Variants in ELMO1 observed in about 807,000 individuals in gnomAD.
ELMO1 encodes engulfment and cell motility 1.
A neutral mutation model predicts 98.9 loss-of-function variants in ELMO1; 26 were observed. The ratio of observed to expected loss-of-function variants is 0.26; its 90% CI spans 0.19 to 0.36. The LOEUF is 0.36. Among genes scored for constraint, ELMO1 ranks in the 10% least tolerant of loss-of-function variants. ELMO1 has a pLI of 1.00. For missense variants in ELMO1, 627 were observed against 935.2 expected (o/e 0.67, Z 4.30); for synonymous variants, 346 against 346.0 (o/e 1.00, Z 0.00).
intron 14 of ELMO1, among the ~76,000 whole-genome samples, chr7:37,118,265 G>A (rs545014798): frequency 7.2e-5 from 11 of 152,252 alleles, no homozygotes; most frequent in South Asian, 4.1e-4. Context: ...GTTGTCCTGC[G>A]AGGGATCCAC....
In ELMO1 at chr7:37,188,501, A is replaced by AAAT. The variant is rs57721398; in HGVS notation, c.1086+22882_1086+22884dup. On this transcript the variant is annotated intron_variant, in intron 13 of 21. Transcript: ENST00000310758. Reference sequence around the variant, plus strand: ...CTGGAGAAAGGTAAAAAAAAAAAAAAAATAATAATAATAATAATAATAATA... The same window carrying AAAT: ...CTGGAGAAAGGTAAAAAAAAAAAAAAAATAATAATAATAATAATAATAATAATA... 5.2e-4 allele frequency among the ~76,000 whole-genome samples: 65 copies of AAAT among 125,936 alleles called. 3 individuals carry two copies. Among genetic ancestry groups the AAAT allele is most frequent in the African/African-American group, 1.2e-3 (40 of 32,952 alleles). 82.6% of individuals were successfully genotyped at this position (125,936 alleles called of 152,430 possible).
chr7:37,254,881 A>G (rs1795557229), intron 6 of ELMO1, among the ~76,000 whole-genome samples: 1 of 152,224 alleles, frequency 6.6e-6, no homozygotes, highest in Admixed American at 6.5e-5. Flanking sequence ...ATTGTATAAT[A>G]CGTGTGCAAC....
intron 13 of ELMO1, among the ~76,000 whole-genome samples, chr7:37,150,981 A>G (rs1032563572): frequency 6.6e-6 from 1 of 152,224 alleles, no homozygotes; most frequent in Non-Finnish European, 1.5e-5. Context: ...CCTGCAGGTC[A>G]GCATCCAGCT....
At chr7:36,936,095 G>C (rs1283743013) in intron 16 of ELMO1, among the ~76,000 whole-genome samples, 1 of 152,148 alleles carries the variant, frequency 6.6e-6, no homozygotes, top group East Asian at 1.9e-4. Flanking sequence ...AGGTAGCCCT[G>C]ATTGGTCTGA....
intron 10 of ELMO1, among the ~76,000 whole-genome samples, chr7:37,218,023 A>T (rs1584825110): frequency 6.6e-6 from 1 of 152,206 alleles, no homozygotes; most frequent in Non-Finnish European, 1.5e-5. Context: ...ACCCAGAAGG[A>T]ACCTTCCCTT....
intron 1 of ELMO1, among the ~76,000 whole-genome samples, chr7:37,367,040 G>A (rs967563212): frequency 6.6e-5 from 10 of 152,180 alleles, no homozygotes; most frequent in African/African-American, 2.2e-4. Flanking sequence ...CCTGGCCTCT[G>A]TCTCTTTCTC....
intron 13 of ELMO1, among the ~76,000 whole-genome samples, chr7:37,177,947 G>C (rs1193383116): frequency 6.6e-6 from 1 of 152,064 alleles, no homozygotes; most frequent in African/African-American, 2.4e-5. Context: ...ACTCAAGACA[G>C]CCAATGCATG....
At chr7:37,248,194 A>ATGTGTGTGTG (rs3054282) in intron 6 of ELMO1, among the ~76,000 whole-genome samples, 178 of 141,130 alleles carry the variant, frequency 1.3e-3, no homozygotes, top group Middle Eastern at 4.1e-3. Context: ...GGGATTTTAT[A>ATGTGTGTGTG]TGTGTGTGTG....
intron 1 of ELMO1, among the ~76,000 whole-genome samples, chr7:37,380,932 G>T (rs878995385): frequency 2.6e-5 from 4 of 152,226 alleles, no homozygotes; most frequent in Admixed American, 1.3e-4. Flanking sequence ...CACTCTTAGG[G>T]CCATTTTAAA....
intron 16 of ELMO1, among the ~76,000 whole-genome samples, chr7:36,909,397 A>G: frequency 6.6e-6 from 1 of 152,246 alleles, no homozygotes; most frequent in East Asian, 1.9e-4. Context: ...GGTAGAAGGG[A>G]CAAAGATGGT....
intron 3 of ELMO1, among the ~76,000 whole-genome samples, chr7:37,315,620 G>A (rs546591428): frequency 1.3e-5 from 2 of 152,240 alleles, no homozygotes; most frequent in South Asian, 2.1e-4. Context: ...TGTATACTGT[G>A]TCCTCAAAAA....
At chr7:37,034,477 A>G (rs1795066925) in intron 15 of ELMO1, among the ~76,000 whole-genome samples, 1 of 152,128 alleles carries the variant, frequency 6.6e-6, no homozygotes. Flanking sequence ...AGTTAGGGGA[A>G]CCAACCCTTT....
chr7:37,280,475 GA>G (rs1356296065), intron 4 of ELMO1, among the ~76,000 whole-genome samples: 1 of 151,702 alleles, frequency 6.6e-6, no homozygotes, highest in East Asian at 1.9e-4. Flanking sequence ...TTGATATCCA[GA>G]ATCTACAACG....
At position 37,421,997 on chromosome 7, in the gene ELMO1, A is replaced by G. The variant is rs527411418; in HGVS notation, c.-74+26678T>C. Among the ~76,000 whole-genome samples, 6 of 152,310 alleles carry G rather than the reference A, an allele frequency of 3.9e-5. No homozygotes were observed. The South Asian group carries it at 1.2e-3, about 32-fold the overall frequency. ...GTAGACAAGGGGTGCCTCTGTCCCC[A>G]TACAAAGGATGACCTTTAAAGAATG... is the stretch of plus-strand genomic sequence containing the variant. On this transcript the variant is annotated intron_variant, in intron 1 of 21. Transcript: ENST00000310758.
At chr7:36,950,932 C>A (rs1181740538) in intron 16 of ELMO1, among the ~76,000 whole-genome samples, 1 of 152,192 alleles carries the variant, frequency 6.6e-6, no homozygotes, top group East Asian at 1.9e-4. Flanking sequence ...GTAAATGACC[C>A]ATCCATCTAC....
chr7:37,085,502 G>A (rs1452078941), intron 15 of ELMO1, among the ~76,000 whole-genome samples: 2 of 152,072 alleles, frequency 1.3e-5, no homozygotes, highest in Non-Finnish European at 2.9e-5. Context: ...GAATCTTCTA[G>A]CATTCTGCTT....
At chr7:37,259,104 A>C in intron 6 of ELMO1, 77 bp downstream of exon 6, 2 of 1,463,442 alleles carry the variant, frequency 1.4e-6, no homozygotes, top group Non-Finnish European at 1.8e-6. Flanking sequence ...AGAGTTTGCA[A>C]GTGTAAGGCA....
rs535071708 is a variant in ELMO1 at position 37,166,495 on chromosome 7, A to G, written c.1087-33261T>C. On this transcript the variant is annotated intron_variant, in intron 13 of 21. Coordinates refer to ENST00000310758, the MANE Select transcript of ELMO1 (RefSeq NM_014800.11). ...CATTTAGTGCTATAAATTTCCCTCT[A>G]AACACTGCTTTGAATGTGTCCCAGA... is the stretch of plus-strand genomic sequence containing the variant. 4.6e-5 allele frequency among the ~76,000 whole-genome samples: 7 copies of G among 152,172 alleles called. 1 individual carries two copies. In the East Asian group the frequency reaches 5.8e-4, roughly 13 times the overall value.
intron 13 of ELMO1, among the ~76,000 whole-genome samples, chr7:37,153,999 G>A (rs1039697400): frequency 2.6e-5 from 4 of 152,018 alleles, no homozygotes; most frequent in Non-Finnish European, 5.9e-5. Flanking sequence ...ACAGCCTCCA[G>A]GGGTGTTACC....
Sources: allele counts gnomAD v4.1 joint callset (sites outside exome capture counted in the v4.1 genomes callset), GRCh38; gene constraint gnomAD v4.1.1; transcripts MANE v1.5; gene names NCBI Gene and HGNC (gene_info 2026-07-23, HGNC 2026-07-21).